CNBD1: variants seen among roughly 807,000 people sequenced by gnomAD.
CNBD1 encodes cyclic nucleotide binding domain containing 1.
CNBD1 carries 71 observed loss-of-function variants against 54.4 expected under a neutral mutation model. The ratio of observed to expected loss-of-function variants is 1.30; its 90% CI spans 1.08 to 1.59. CNBD1 has a LOEUF of 1.59. Ranked by LOEUF, CNBD1 falls within the 40% of genes most tolerant of loss-of-function variation. The pLI is 0.00. For missense variants in CNBD1, 659 were observed against 518.0 expected (o/e 1.27, Z -2.64); for synonymous variants, 182 against 170.7 (o/e 1.07, Z -0.51).
rs190543760 is a variant in CNBD1 at position 87,351,788 on chromosome 8, T to C, written c.1146T>C (p.Asn382=). Reference sequence around the variant, plus strand: ...TAGGATTTGTGAAACTACGATCAAATAAAGTGGTAAGTTTTCAACATGTAT... The same window carrying C: ...TAGGATTTGTGAAACTACGATCAAACAAAGTGGTAAGTTTTCAACATGTAT... The part of the protein sequence containing the change: ...SIIGFVKLRS[N]KVKRSQKLVY... Residue 382 remains asparagine, a synonymous_variant, in exon 9 of 11, where the codon AAT becomes AAC. Transcript: ENST00000518476. 18 of 1,492,262 alleles carry C rather than the reference T, an allele frequency of 1.2e-5. No homozygotes were observed. In the Admixed American group the frequency reaches 3.6e-4, roughly 30 times the overall value. The allele number at this position is 1,492,262 out of a possible 1,614,324, so 92.4% of individuals were successfully genotyped here.
intron 5 of CNBD1, among the ~76,000 whole-genome samples, chr8:87,232,339 A>G (rs1280422210): frequency 6.6e-6 from 1 of 151,916 alleles, no homozygotes; most frequent in Non-Finnish European, 1.5e-5. Context: ...CATTTTATAA[A>G]AAACTGCCAG....
intron 2 of CNBD1, among the ~76,000 whole-genome samples, chr8:87,405,911 A>G (rs1807643651): frequency 6.6e-6 from 1 of 152,168 alleles, no homozygotes; most frequent in Admixed American, 6.6e-5. Context: ...TCTGCCAAAC[A>G]CTAAGCATCT....
chr8:87,248,410 C>A (rs1002409387), intron 6 of CNBD1, among the ~76,000 whole-genome samples: 1 of 152,222 alleles, frequency 6.6e-6, no homozygotes, highest in South Asian at 2.1e-4. Flanking sequence ...TTTAGCAATG[C>A]AGTTAGCCAC....
At chr8:87,186,223 C>T (rs922394390) in intron 4 of CNBD1, among the ~76,000 whole-genome samples, 1 of 151,964 alleles carries the variant, frequency 6.6e-6, no homozygotes, top group Non-Finnish European at 1.5e-5. Context: ...TCTTACTTGG[C>T]GTATCTCATT....
At chr8:87,191,817 A>C (rs1813616161) in intron 4 of CNBD1, among the ~76,000 whole-genome samples, 1 of 152,200 alleles carries the variant, frequency 6.6e-6, no homozygotes, top group African/African-American at 2.4e-5. Flanking sequence ...GCTACCTGGC[A>C]CCAGAAGCGT....
chr8:86,879,385 G>A (rs1289280774), intron 1 of CNBD1, among the ~76,000 whole-genome samples: 2 of 152,182 alleles, frequency 1.3e-5, no homozygotes, highest in South Asian at 2.1e-4. Context: ...TTGTGGTGCT[G>A]TAAGAGCACA....
intron 4 of CNBD1, among the ~76,000 whole-genome samples, chr8:87,115,889 G>A (rs917396876): frequency 6.6e-6 from 1 of 151,966 alleles, no homozygotes; most frequent in African/African-American, 2.4e-5. Flanking sequence ...ACTGTGCATC[G>A]GGCCTTCTGT....
intron 5 of CNBD1, among the ~76,000 whole-genome samples, chr8:87,228,314 A>G (rs182034992): frequency 0.57 from 84,640 of 148,920 alleles, 24,827 homozygotes; most frequent in African/African-American, 0.65. Context: ...GAGGAGAGGC[A>G]CTCTGATTTT....
chr8:87,304,094 T>C (rs1184861510), intron 8 of CNBD1, among the ~76,000 whole-genome samples: 1 of 152,088 alleles, frequency 6.6e-6, no homozygotes, highest in Non-Finnish European at 1.5e-5. Flanking sequence ...CTCAGGGATC[T>C]AGAACTAGAA....
In CNBD1 at chr8:86,897,072, G is replaced by A. The variant is rs115029106; in HGVS notation, c.159-8009G>A. Reference sequence around the variant, plus strand: ...CTCATATGCTGCTGGAAAAGTGGCAGATGTATAGGGAGAATCACCAGAACC... The same window carrying A: ...CTCATATGCTGCTGGAAAAGTGGCAAATGTATAGGGAGAATCACCAGAACC... On this transcript the variant is annotated intron_variant, in intron 2 of 10. Transcript: ENST00000518476. Among the ~76,000 whole-genome samples, 1,339 of 152,288 alleles carry A rather than the reference G, an allele frequency of 8.8e-3. 23 individuals are homozygous for A. The highest frequency in any genetic ancestry group is 0.031 in the African/African-American group (1,277 of 41,568).
chr8:87,160,050 T>C (rs1586297775), intron 4 of CNBD1, among the ~76,000 whole-genome samples: 2 of 152,056 alleles, frequency 1.3e-5, no homozygotes, highest in African/African-American at 4.8e-5. Context: ...CCTAGATATA[T>C]ATACACAGAT....
chr8:87,371,685 A>G (rs1267019766), intron 10 of CNBD1, among the ~76,000 whole-genome samples: 1 of 152,028 alleles, frequency 6.6e-6, no homozygotes, highest in Non-Finnish European at 1.5e-5. Context: ...GGTTCAATAT[A>G]TGCAAATCAA....
In CNBD1 at chr8:87,139,313, A is replaced by G. The variant is rs144656857; in HGVS notation, c.432-66680A>G. 5.0e-3 allele frequency among the ~76,000 whole-genome samples: 758 copies of G among 152,312 alleles called. 5 individuals carry two copies. Among genetic ancestry groups the G allele is most frequent in the African/African-American group, 0.017 (724 of 41,562 alleles). Reference sequence around the variant, plus strand: ...AAACTCTCATAGGACTGGTTGAAGAAAGGATAACACCTAACTAGAGTAGGT... The same window carrying G: ...AAACTCTCATAGGACTGGTTGAAGAGAGGATAACACCTAACTAGAGTAGGT... On this transcript the variant is annotated intron_variant, in intron 4 of 10. Transcript: ENST00000518476.
At position 86,880,340 on chromosome 8, in the gene CNBD1, T is replaced by TAAA. The variant is rs144555916; in HGVS notation, c.89-7195_89-7193dup. On this transcript the variant is annotated intron_variant, in intron 1 of 10. Coordinates refer to ENST00000518476, the MANE Select transcript of CNBD1 (RefSeq NM_173538.3). ...TTGGGATCGAACATATTAGAAAAAA[T>TAAA]AAAAAAAAACGTAATACTACAATAA... is the stretch of plus-strand genomic sequence containing the variant. Among the ~76,000 whole-genome samples, 398 of 150,290 alleles carry TAAA rather than the reference T, an allele frequency of 2.6e-3. 3 individuals carry two copies. The highest frequency in any genetic ancestry group is 8.7e-3 in the African/African-American group (357 of 40,844).
At chr8:87,270,988 G>T (rs571169801) in intron 6 of CNBD1, among the ~76,000 whole-genome samples, 1 of 151,494 alleles carries the variant, frequency 6.6e-6, no homozygotes, top group Non-Finnish European at 1.5e-5. Flanking sequence ...TTTCTTCATG[G>T]TTCTATCTTG....
At chr8:87,346,595 A>G (rs1022345198) in intron 8 of CNBD1, among the ~76,000 whole-genome samples, 7 of 151,906 alleles carry the variant, frequency 4.6e-5, no homozygotes, top group Non-Finnish European at 1.0e-4. Context: ...ATACACAAAA[A>G]TGTATAATAG....
chr8:86,869,833 G>GA (rs954385986), intron 1 of CNBD1, among the ~76,000 whole-genome samples: 37 of 151,158 alleles, frequency 2.4e-4, no homozygotes, highest in Middle Eastern at 3.4e-3. Flanking sequence ...TAGAAAAAAA[G>GA]AAAAAAAAAT....
intron 5 of CNBD1, among the ~76,000 whole-genome samples, chr8:87,210,737 A>G (rs1044852878): frequency 4.6e-5 from 7 of 152,212 alleles, no homozygotes; most frequent in African/African-American, 9.6e-5. Context: ...CAAGATTTCA[A>G]TGGGTGTATG....
intron 4 of CNBD1, among the ~76,000 whole-genome samples, chr8:87,124,899 A>T (rs1324493538): frequency 2.0e-5 from 3 of 151,676 alleles, no homozygotes; most frequent in Non-Finnish European, 4.4e-5. Flanking sequence ...TATAGAGAAA[A>T]CCCTAAAGAT....
Sources: gnomAD v4.1 joint callset for allele counts (sites outside exome capture counted in the v4.1 genomes callset) on GRCh38, gnomAD v4.1.1 for gene constraint, MANE v1.5 for transcripts, NCBI Gene and HGNC (gene_info 2026-07-23, HGNC 2026-07-21) for gene names.